The following CEP128 variants were observed in gnomAD, a reference collection of about 807,000 sequenced individuals.
CEP128 encodes the protein centrosomal protein 128.
A neutral mutation model predicts 156.7 loss-of-function variants in CEP128; 132 were observed. The ratio of observed to expected loss-of-function variants is 0.84; its 90% CI spans 0.73 to 0.97. CEP128 has a LOEUF of 0.97. CEP128 is among the 50% of genes least tolerant of loss of function. The pLI, the probability that CEP128 is intolerant of heterozygous loss-of-function variation, is 0.00. For synonymous variants in CEP128, 469 were observed against 448.9 expected (o/e 1.04, Z -0.57); for missense variants, 1,252 against 1,281.9 (o/e 0.98, Z 0.36).
At position 80,586,361 on chromosome 14, in the gene CEP128, G is replaced by A. The variant is rs1171718676; in HGVS notation, c.2807-5938C>T. Among the ~76,000 whole-genome samples, 3 of 152,208 alleles carry A rather than the reference G, an allele frequency of 2.0e-5. No individual in the cohort carries two copies. In the East Asian group the frequency reaches 5.8e-4, roughly 29 times the overall value. ...CTACTGATCTAATCTAGTGTCCTGG[G>A]GTTACACAGTGGAGGACTGAGTTCC... On this transcript the variant is annotated intron_variant, in intron 19 of 24. Coordinates refer to ENST00000555265, the MANE Select transcript of CEP128 (RefSeq NM_152446.5).
chr14:80,548,054 C>T (rs574207210), intron 21 of CEP128, among the ~76,000 whole-genome samples: 1 of 152,198 alleles, frequency 6.6e-6, no homozygotes, highest in Non-Finnish European at 1.5e-5. Flanking sequence ...CCCTCCTCGG[C>T]CTCCCAAAGT....
intron 19 of CEP128, among the ~76,000 whole-genome samples, chr14:80,623,357 T>C (rs7145416): frequency 0.94 from 140,371 of 149,452 alleles, 65,952 homozygotes; most frequent in East Asian, 0.98. Context: ...ATACCTAATG[T>C]TAAATGACGA....
At chr14:80,655,069 A>T (rs963897458) in intron 19 of CEP128, among the ~76,000 whole-genome samples, 2 of 152,024 alleles carry the variant, frequency 1.3e-5, no homozygotes, top group Admixed American at 1.3e-4. Flanking sequence ...TTCTTTGTTC[A>T]CGTTGGCTCA....
At chr14:80,510,884 T>C (rs111646439) in intron 23 of CEP128, among the ~76,000 whole-genome samples, 5,914 of 152,074 alleles carry the variant, frequency 0.039, 316 homozygotes, top group African/African-American at 0.12. Context: ...GATTTTGTCC[T>C]TCATTCTATT....
At chr14:80,580,278 T>A (rs1389306064) in intron 20 of CEP128, 96 bp downstream of exon 20, 1 of 736,282 alleles carries the variant, frequency 1.4e-6, no homozygotes, top group African/African-American at 1.7e-5. Flanking sequence ...GTCACCCTAT[T>A]TGCTATACCA....
At chr14:80,945,258 C>T (rs966992890), upstream of CEP128, among the ~76,000 whole-genome samples, 7 of 152,126 alleles carry the variant, frequency 4.6e-5, no homozygotes, top group African/African-American at 9.7e-5. Flanking sequence ...CTTCTTGTAA[C>T]GACACCCGTT....
Position 80,671,920 on chromosome 14 carries a change from TTA to T in CEP128, c.2806+71153_2806+71154del, listed in dbSNP as rs373683495. On this transcript the variant is annotated intron_variant, in intron 19 of 24. Transcript: ENST00000555265. ...TAGAGGGGACAGGTGGGGTAGAATT[TTA>T]TGTCTTCAAAATTATCCTCACATAT... Among the ~76,000 whole-genome samples the T allele has an allele frequency of 2.6e-3, 388 of 152,118 alleles. 3 individuals are homozygous for T. Among genetic ancestry groups the T allele is most frequent in the African/African-American group, 8.9e-3 (368 of 41,488 alleles).
intron 13 of CEP128, among the ~76,000 whole-genome samples, chr14:80,823,053 G>A (rs1212655679): frequency 6.6e-6 from 1 of 152,166 alleles, no homozygotes; most frequent in African/African-American, 2.4e-5. Context: ...CAGGAGGAGG[G>A]ATTCCCTGAC....
chr14:80,708,365 G>A (rs1394065666), intron 19 of CEP128, among the ~76,000 whole-genome samples: 1 of 152,074 alleles, frequency 6.6e-6, no homozygotes, highest in African/African-American at 2.4e-5. Flanking sequence ...ACAGTCCCCA[G>A]CCTCACAGAC....
intron 3 of CEP128, among the ~76,000 whole-genome samples, chr14:80,914,736 T>G (rs868028231): frequency 6.6e-5 from 10 of 152,154 alleles, no homozygotes; most frequent in African/African-American, 2.4e-4. Context: ...CACACCCTCT[T>G]TATAGAAAAG....
In CEP128 at chr14:80,576,908, G is replaced by A. The variant is rs549160580; in HGVS notation, c.2856+3466C>T. 1.8e-3 allele frequency among the ~76,000 whole-genome samples: 268 copies of A among 152,158 alleles called. 1 individual carries two copies. The highest frequency in any genetic ancestry group is 6.0e-3 in the African/African-American group (250 of 41,518). On this transcript the variant is annotated intron_variant, in intron 20 of 24. Transcript: ENST00000555265. The stretch of plus-strand genomic sequence containing the variant: ...GCACTGTGCTAAGTAGTGGACATCC[G>A]GAAAAGTGAAAGACATGAGAGTTGA...
At chr14:80,756,974 T>C in intron 17 of CEP128, 23 bp from the exon 18 acceptor site, 1 of 1,481,386 alleles carries the variant, frequency 6.8e-7, no homozygotes, top group African/African-American at 1.4e-5. Context: ...AAACAGTCGA[T>C]TAGAAATACA....
chr14:80,659,167 G>A (rs749765750), intron 19 of CEP128, among the ~76,000 whole-genome samples: 4 of 152,062 alleles, frequency 2.6e-5, no homozygotes, highest in South Asian at 2.1e-4. Flanking sequence ...TGCTAATTAA[G>A]ATAAAATTGT....
intron 19 of CEP128, among the ~76,000 whole-genome samples, chr14:80,724,071 A>T (rs1897922913): frequency 6.6e-6 from 1 of 152,208 alleles, no homozygotes; most frequent in Non-Finnish European, 1.5e-5. Flanking sequence ...GACAAGCCTT[A>T]TGGAGATTGG....
At chr14:80,670,021 G>T (rs10140445) in intron 19 of CEP128, among the ~76,000 whole-genome samples, 4,876 of 152,176 alleles carry the variant, frequency 0.032, 250 homozygotes, top group African/African-American at 0.11. Context: ...AAAAGCAGGA[G>T]CAAGAGAGAG....
chr14:80,544,168 G>A (rs17110752), intron 21 of CEP128, among the ~76,000 whole-genome samples: 17,308 of 152,136 alleles, frequency 0.11, 1,158 homozygotes, highest in South Asian at 0.21. Context: ...GTTTCTGAAT[G>A]AAAATAGGTC....
intron 13 of CEP128, among the ~76,000 whole-genome samples, chr14:80,800,796 AT>A (rs1205691503): frequency 6.6e-6 from 1 of 152,230 alleles, no homozygotes; most frequent in Non-Finnish European, 1.5e-5. Flanking sequence ...GTACTTCAGT[AT>A]AAGTACTGAT....
chr14:80,504,191 TTGAG>T (rs895083221), intron 24 of CEP128, among the ~76,000 whole-genome samples: 2 of 152,186 alleles, frequency 1.3e-5, no homozygotes, highest in Admixed American at 6.6e-5. Flanking sequence ...TGAATATTAG[TTGAG>T]TATTTACTAT....
intron 9 of CEP128, among the ~76,000 whole-genome samples, chr14:80,862,233 C>G (rs1038830256): frequency 2.0e-5 from 3 of 152,152 alleles, no homozygotes; most frequent in Non-Finnish European, 4.4e-5. Flanking sequence ...CTACTCAACT[C>G]TGCCATTGTG....
Sources: gnomAD v4.1 joint callset for allele counts (sites outside exome capture counted in the v4.1 genomes callset) on GRCh38, gnomAD v4.1.1 for gene constraint, MANE v1.5 for transcripts, NCBI Gene and HGNC (gene_info 2026-07-23, HGNC 2026-07-21) for gene names.